BUD23: variants seen among roughly 807,000 people sequenced by gnomAD.
The protein encoded by BUD23 is BUD23 rRNA methyltransferase and ribosome maturation factor.
BUD23 carries 34 observed loss-of-function variants against 47.0 expected under a neutral mutation model. The observed-to-expected ratio is 0.72, with a 90% CI of 0.55 to 0.96. BUD23 has a LOEUF of 0.96. BUD23 is among the 40% of genes least tolerant of loss of function. The pLI, the probability that BUD23 is intolerant of heterozygous loss-of-function variation, is 0.00. For missense variants in BUD23, 343 were observed against 361.2 expected (o/e 0.95, Z 0.41); for synonymous variants, 124 against 132.0 (o/e 0.94, Z 0.41).
In BUD23 at chr7:73,693,479, A is replaced by AGGCCACTCAGTGGC; in HGVS notation, c.596+78_596+79insCGGCCACTCAGTGG. 3 of 1,604,586 alleles carry AGGCCACTCAGTGGC rather than the reference A, an allele frequency of 1.9e-6. No individual in the cohort carries two copies. In the South Asian group the frequency reaches 3.3e-5, roughly 18 times the overall value. ...GGGAGGGTAGTGGCATAGCCCTTTCAGGCCACTCAGTGGTGCAGAGGAGTG... is the reference window on the plus strand; with the variant it reads ...GGGAGGGTAGTGGCATAGCCCTTTCAGGCCACTCAGTGGCGGCCACTCAGTGGTGCAGAGGAGTG... On this transcript the variant is annotated intron_variant, in intron 8 of 11. Transcript: ENST00000265758.
intron 2 of BUD23, among the ~76,000 whole-genome samples, chr7:73,685,161 A>G (rs1797914596): frequency 6.6e-6 from 1 of 151,352 alleles, no homozygotes; most frequent in Non-Finnish European, 1.5e-5. Context: ...TACAGATATT[A>G]GCCGGGCCTA....
At chr7:73,697,388 T>C in intron 10 of BUD23, 1 of 1,520,834 alleles carries the variant, frequency 6.6e-7, no homozygotes, top group Non-Finnish European at 8.8e-7. Context: ...TCTCCTCCTC[T>C]GCCCACCCAA....
At chr7:73,693,011 A>AG in intron 7 of BUD23, 1 of 544,962 alleles carries the variant, frequency 1.8e-6, no homozygotes, top group Non-Finnish European at 3.3e-6. Flanking sequence ...AGATAAGTGA[A>AG]GAGCTGTTCC....
chr7:73,692,084 T>C (rs1260221111), intron 6 of BUD23, among the ~76,000 whole-genome samples: 1 of 152,098 alleles, frequency 6.6e-6, no homozygotes, highest in African/African-American at 2.4e-5. Flanking sequence ...CCCCTGCTGA[T>C]GTGGCCGCTG....
intron 7 of BUD23, 148 bp from the exon 8 acceptor site, chr7:73,693,181 A>C: frequency 1.4e-6 from 1 of 714,798 alleles, no homozygotes; most frequent in Non-Finnish European, 2.5e-6. Context: ...TCTAGCCTGT[A>C]CTTTTCTCTA....
intron 6 of BUD23, 55 bp from the exon 7 acceptor site, chr7:73,692,541 A>G (rs1275530140): frequency 2.6e-6 from 4 of 1,558,434 alleles, no homozygotes; most frequent in Non-Finnish European, 3.5e-6. Flanking sequence ...AGGGGTGTCC[A>G]GGCCCTAAGC....
rs369510957 is a variant in BUD23 at position 73,693,298 on chromosome 7, G to A, written c.511-31G>A. The A allele has an allele frequency of 1.5e-5, 24 of 1,599,598 alleles. No individual in the cohort carries two copies. The Middle Eastern group carries it at 9.9e-4, about 66-fold the overall frequency. ...AAGCTGTCTGCTCCTCTCAACCTCC[G>A]CTGCCTGACCCGCTGCCTTTCTTTC... On this transcript the variant is annotated intron_variant, in intron 7 of 11. Transcript: ENST00000265758.
At chr7:73,686,761 C>A in intron 3 of BUD23, 30 bp downstream of exon 3, 1 of 1,613,978 alleles carries the variant, frequency 6.2e-7, no homozygotes, top group South Asian at 1.1e-5. Context: ...TTCAGATTGT[C>A]TAAGGTGGTG....
intron 2 of BUD23, 126 bp downstream of exon 2, chr7:73,683,930 G>A (rs782159904): frequency 3.8e-6 from 6 of 1,582,498 alleles, no homozygotes; most frequent in Non-Finnish European, 5.1e-6. Context: ...CCGGGTGGGT[G>A]CCGATTTCTG....
chr7:73,684,617 A>AGGGG (rs35734688), intron 2 of BUD23, among the ~76,000 whole-genome samples: 5 of 86,576 alleles, frequency 5.8e-5, no homozygotes, highest in Admixed American at 2.9e-4. Flanking sequence ...AAAAAAAAAA[A>AGGGG]GGGGGGGGGA....
chr7:73,685,331 G>T (rs925641081), intron 2 of BUD23, among the ~76,000 whole-genome samples: 24 of 152,178 alleles, frequency 1.6e-4, no homozygotes, highest in Non-Finnish European at 2.5e-4. Context: ...TAGGGACAGG[G>T]TCTCTCTATT....
chr7:73,686,610 G>T, intron 2 of BUD23, 26 bp from the exon 3 acceptor site: 1 of 1,609,278 alleles, frequency 6.2e-7, no homozygotes, highest in Non-Finnish European at 8.5e-7. Context: ...CCTTTACCAT[G>T]TCCACTTGTG....
At chr7:73,691,897 G>A (rs914182550) in intron 6 of BUD23, among the ~76,000 whole-genome samples, 1 of 152,134 alleles carries the variant, frequency 6.6e-6, no homozygotes, top group South Asian at 2.1e-4. Flanking sequence ...AAGCCACTGT[G>A]CCCAGCTTAA....
At position 73,683,756 on chromosome 7, in the gene BUD23, C is replaced by T. The variant is rs1554612161; in HGVS notation, c.49-11C>T. Reference sequence around the variant, plus strand: ...ATTATTCCTCTACATGCCATTTTCTCTTTTTCGCAGTTTTATGACGAGACA... The same window carrying T: ...ATTATTCCTCTACATGCCATTTTCTTTTTTTCGCAGTTTTATGACGAGACA... On this transcript the variant is annotated splice_polypyrimidine_tract_variant and intron_variant, in intron 1 of 11. Coordinates refer to ENST00000265758, the MANE Select transcript of BUD23 (RefSeq NM_017528.5). 1.9e-6 allele frequency: 3 copies of T among 1,614,198 alleles called. No homozygotes were observed. Among genetic ancestry groups the T allele is most frequent in the East Asian group, 2.2e-5 (1 of 44,874 alleles).
chr7:73,693,735 G>A, intron 9 of BUD23, 66 bp downstream of exon 9: 2 of 1,594,820 alleles, frequency 1.3e-6, no homozygotes, highest in Non-Finnish European at 1.7e-6. Flanking sequence ...GGCTCAGCCT[G>A]CAGAGCCTGC....
intron 10 of BUD23, chr7:73,694,492 A>G (rs1798319890): frequency 6.4e-6 from 1 of 156,612 alleles, no homozygotes; most frequent in African/African-American, 2.4e-5. Flanking sequence ...TTAACCCCAT[A>G]ACAACAACTA....
At chr7:73,697,580 G>T (rs782610783) in intron 10 of BUD23, 25 bp from the exon 11 acceptor site, 1 of 1,613,394 alleles carries the variant, frequency 6.2e-7, no homozygotes, top group South Asian at 1.1e-5. Context: ...CTGTCCATCA[G>T]CTCATAGCTG....
intron 5 of BUD23, among the ~76,000 whole-genome samples, chr7:73,688,518 C>T (rs1015362615): frequency 6.6e-6 from 1 of 152,228 alleles, no homozygotes; most frequent in South Asian, 2.1e-4. Context: ...GCCCCAGCAG[C>T]CATCTTACTT....
chr7:73,697,807 A>G (rs782252578), intron 11 of BUD23, 25 bp from the exon 12 acceptor site: 1 of 1,610,996 alleles, frequency 6.2e-7, no homozygotes, highest in African/African-American at 1.3e-5. Context: ...TTTTTCTGAG[A>G]CTGTCCTATT....
Sources: gnomAD v4.1 joint callset for allele counts (sites outside exome capture counted in the v4.1 genomes callset) on GRCh38, gnomAD v4.1.1 for gene constraint, MANE v1.5 for transcripts, NCBI Gene and HGNC (gene_info 2026-07-23, HGNC 2026-07-21) for gene names.